Variants in DPP10 observed in about 807,000 individuals in gnomAD.
DPP10 encodes the protein inactive dipeptidyl peptidase 10.
A neutral mutation model predicts 120.9 loss-of-function variants in DPP10; 33 were observed. That is an observed-to-expected ratio of 0.27 (90% CI 0.21 to 0.37). DPP10 has a LOEUF of 0.37. DPP10 is among the 10% of genes least tolerant of loss of function. The pLI is 1.00. For missense variants in DPP10, 816 were observed against 942.8 expected, an observed-to-expected ratio of 0.87 and a Z score of 1.76; for synonymous variants, 337 against 326.1, an observed-to-expected ratio of 1.03 and a Z score of -0.36.
intron 1 of DPP10, chr2:115,050,170 G>T (rs1178505215): frequency 6.6e-6 from 1 of 152,156 alleles, no homozygotes; most frequent in Admixed American, 6.5e-5. Flanking sequence ...TAACTAAGAT[G>T]CTGGAGAAAT....
chr2:115,365,127 T>C (rs900552104), intron 3 of DPP10, among the ~76,000 whole-genome samples: 1 of 152,118 alleles, frequency 6.6e-6, no homozygotes, highest in South Asian at 2.1e-4. Flanking sequence ...TATTTATGTT[T>C]AGATTCCTGA....
At chr2:115,381,839 G>T (rs184064435) in intron 3 of DPP10, among the ~76,000 whole-genome samples, 6 of 150,092 alleles carry the variant, frequency 4.0e-5, no homozygotes, top group South Asian at 2.1e-4. Context: ...GCCCCTGCTG[G>T]GGGGTGCCTC....
At chr2:115,532,929 G>T (rs1340597807) in intron 5 of DPP10, among the ~76,000 whole-genome samples, 1 of 151,570 alleles carries the variant, frequency 6.6e-6, no homozygotes, top group Non-Finnish European at 1.5e-5. Context: ...TGGTCCATTG[G>T]AATTATTTAA....
Position 114,923,835 on chromosome 2 carries a change from A to G in DPP10, c.61-385404A>G, listed in dbSNP as rs115448882. Reference sequence around the variant, plus strand: ...AATTTGGATGCAATACAGTTTACCTATGTTTTCAATTATCCCTCATGTTTT... The same window carrying G: ...AATTTGGATGCAATACAGTTTACCTGTGTTTTCAATTATCCCTCATGTTTT... On this transcript the variant is annotated intron_variant, in intron 1 of 25. Coordinates refer to ENST00000410059, the MANE Select transcript of DPP10 (RefSeq NM_020868.6). Among the ~76,000 whole-genome samples, 982 of 152,208 alleles carry G rather than the reference A, an allele frequency of 6.5e-3. 12 individuals carry two copies. Among genetic ancestry groups the G allele is most frequent in the African/African-American group, 0.023 (946 of 41,528 alleles).
intron 5 of DPP10, among the ~76,000 whole-genome samples, chr2:115,542,038 A>G (rs1423798977): frequency 1.3e-5 from 2 of 152,008 alleles, no homozygotes; most frequent in African/African-American, 4.8e-5. Flanking sequence ...TATCAAAACC[A>G]GACAATTGAC....
At chr2:115,360,833 G>A (rs1379553271) in intron 3 of DPP10, among the ~76,000 whole-genome samples, 9 of 152,170 alleles carry the variant, frequency 5.9e-5, no homozygotes, top group Admixed American at 3.3e-4. Context: ...GTCTGCTGGT[G>A]GTCTGTTGAT....
intron 1 of DPP10, among the ~76,000 whole-genome samples, chr2:114,829,849 G>C (rs929741753): frequency 6.6e-6 from 1 of 152,036 alleles, no homozygotes; most frequent in Non-Finnish European, 1.5e-5. Flanking sequence ...GTCACTATGC[G>C]TTTCCTTAAA....
chr2:115,444,611 C>G (rs2072394214), intron 3 of DPP10, among the ~76,000 whole-genome samples: 1 of 152,126 alleles, frequency 6.6e-6, no homozygotes, highest in Non-Finnish European at 1.5e-5. Context: ...TCTTATCTGT[C>G]TGTTAACCAA....
intron 1 of DPP10, among the ~76,000 whole-genome samples, chr2:114,666,976 A>C (rs1379638205): frequency 6.6e-6 from 1 of 152,216 alleles, no homozygotes; most frequent in Non-Finnish European, 1.5e-5. Flanking sequence ...TTTTCTGTAA[A>C]GGGACAGATA....
intron 1 of DPP10, among the ~76,000 whole-genome samples, chr2:114,575,579 G>T (rs555673955): frequency 6.6e-6 from 1 of 152,282 alleles, no homozygotes; most frequent in East Asian, 1.9e-4. Flanking sequence ...GGTAAAGATT[G>T]CATCTTATAT....
chr2:115,214,871 A>G (rs977977507), intron 1 of DPP10, among the ~76,000 whole-genome samples: 6 of 152,044 alleles, frequency 3.9e-5, no homozygotes, highest in South Asian at 2.1e-4. Context: ...AGGTTTCCCA[A>G]TCCACTCGAA....
intron 1 of DPP10, among the ~76,000 whole-genome samples, chr2:115,258,874 G>A (rs2059126234): frequency 6.6e-6 from 1 of 151,954 alleles, no homozygotes; most frequent in Non-Finnish European, 1.5e-5. Flanking sequence ...GGGCAACAGA[G>A]TGAGGCCCTC....
intron 1 of DPP10, among the ~76,000 whole-genome samples, chr2:115,209,107 C>T (rs976433973): frequency 1.3e-5 from 2 of 152,050 alleles, no homozygotes; most frequent in Admixed American, 6.6e-5. Flanking sequence ...TTTTAGATGA[C>T]ACTATCTTAA....
chr2:114,810,345 G>A (rs898162764), intron 1 of DPP10, among the ~76,000 whole-genome samples: 1 of 152,210 alleles, frequency 6.6e-6, no homozygotes, highest in African/African-American at 2.4e-5. Context: ...AGTCTTGGTA[G>A]TCTGAACAAG....
intron 1 of DPP10, among the ~76,000 whole-genome samples, chr2:114,895,915 G>T (rs757218075): frequency 6.6e-6 from 1 of 152,144 alleles, no homozygotes; most frequent in South Asian, 2.1e-4. Flanking sequence ...TTTGTATAAG[G>T]TGTAAGGAAG....
At chr2:115,479,398 A>G (rs1177629421) in intron 3 of DPP10, among the ~76,000 whole-genome samples, 1 of 152,144 alleles carries the variant, frequency 6.6e-6, no homozygotes, top group Admixed American at 6.5e-5. Flanking sequence ...ATGGTTTCCA[A>G]GAAGTGCAGT....
intron 1 of DPP10, among the ~76,000 whole-genome samples, chr2:114,666,996 TTAAG>T (rs1395381229): frequency 6.6e-6 from 1 of 152,240 alleles, no homozygotes; most frequent in Non-Finnish European, 1.5e-5. Flanking sequence ...AGTAATTTGT[TTAAG>T]TAATTGGTAA....
At chr2:115,172,048 G>T (rs2053386644) in intron 1 of DPP10, among the ~76,000 whole-genome samples, 1 of 152,186 alleles carries the variant, frequency 6.6e-6, no homozygotes, top group Non-Finnish European at 1.5e-5. Flanking sequence ...AGCAACTGCT[G>T]ATATCTACAC....
rs542969901 is a variant in DPP10, at chr2:114,734,577, C to A, written c.60+291739C>A. 2.6e-5 allele frequency among the ~76,000 whole-genome samples: 4 copies of A among 152,258 alleles called. No homozygotes were observed. In the East Asian group the frequency reaches 7.7e-4, roughly 29 times the overall value. Reference sequence around the variant, plus strand: ...ATATAAAACCAAACTGTGCTCTGACCACCTTGGACACATGTTCTTAGGACT... The same window carrying A: ...ATATAAAACCAAACTGTGCTCTGACAACCTTGGACACATGTTCTTAGGACT... On this transcript the variant is annotated intron_variant, in intron 1 of 25. Transcript: ENST00000410059.
Sources: allele counts gnomAD v4.1 joint callset (sites outside exome capture counted in the v4.1 genomes callset), GRCh38; gene constraint gnomAD v4.1.1; transcripts MANE v1.5; gene names NCBI Gene and HGNC (gene_info 2026-07-23, HGNC 2026-07-21).